BRINP3: variants seen among roughly 807,000 people sequenced by gnomAD.
BRINP3 encodes BMP/retinoic acid inducible neural specific 3, also known as BMP/retinoic acid-inducible neural-specific protein 3.
A neutral mutation model predicts 71.0 loss-of-function variants in BRINP3; 19 were observed. The ratio of observed to expected loss-of-function variants is 0.27; its 90% CI spans 0.19 to 0.39. BRINP3 has a LOEUF of 0.39. Among genes scored for constraint, BRINP3 ranks in the 10% least tolerant of loss-of-function variants. The probability of loss-of-function intolerance (pLI) is 1.00; values close to 1 mark genes in which losing one functional copy is unlikely to be tolerated. For missense variants in BRINP3, 959 were observed against 940.8 expected, an observed-to-expected ratio of 1.02 and a Z score of -0.25; for synonymous variants, 380 against 337.7, an observed-to-expected ratio of 1.13 and a Z score of -1.37.
intron 4 of BRINP3, among the ~76,000 whole-genome samples, chr1:190,246,130 A>G (rs1268905497): frequency 1.3e-5 from 2 of 152,028 alleles, no homozygotes; most frequent in Non-Finnish European, 2.9e-5. Context: ...TGGGATTTTT[A>G]AAGTATGTAT....
At chr1:190,308,514 G>A (rs999326145) in intron 2 of BRINP3, among the ~76,000 whole-genome samples, 3 of 151,460 alleles carry the variant, frequency 2.0e-5, no homozygotes, top group Admixed American at 6.6e-5. Context: ...AGGGGGGAGG[G>A]ATAGCATTAG....
intron 7 of BRINP3, among the ~76,000 whole-genome samples, chr1:190,133,416 G>C (rs1654706733): frequency 6.6e-6 from 1 of 151,934 alleles, no homozygotes; most frequent in South Asian, 2.1e-4. Flanking sequence ...TATTACAGAA[G>C]AATCCCCACA....
chr1:190,440,239 C>A (rs1324676734), intron 2 of BRINP3, among the ~76,000 whole-genome samples: 1 of 151,556 alleles, frequency 6.6e-6, no homozygotes, highest in Non-Finnish European at 1.5e-5. Flanking sequence ...TTATTTAAAT[C>A]GTTTCTCTTT....
chr1:190,380,275 C>T (rs1156441045), intron 2 of BRINP3, among the ~76,000 whole-genome samples: 3 of 151,848 alleles, frequency 2.0e-5, no homozygotes, highest in Non-Finnish European at 4.4e-5. Flanking sequence ...AGTGGGGATA[C>T]CAGGAATGAT....
intron 2 of BRINP3, among the ~76,000 whole-genome samples, chr1:190,368,098 A>G (rs1268624725): frequency 6.6e-6 from 1 of 152,118 alleles, no homozygotes; most frequent in Non-Finnish European, 1.5e-5. Context: ...CCATTCTTAC[A>G]CTGCTAATAA....
At chr1:190,343,322 G>C (rs1463943337) in intron 2 of BRINP3, among the ~76,000 whole-genome samples, 1 of 151,808 alleles carries the variant, frequency 6.6e-6, no homozygotes, top group Non-Finnish European at 1.5e-5. Context: ...GTTTGAGAGA[G>C]AAGTTAAGAC....
At chr1:190,130,958 C>A (rs1215405201) in intron 7 of BRINP3, among the ~76,000 whole-genome samples, 1 of 151,848 alleles carries the variant, frequency 6.6e-6, no homozygotes, top group Admixed American at 6.6e-5. Context: ...GTTCTCACAC[C>A]AGTATAATCC....
chr1:190,249,823 A>G (rs906277557), intron 4 of BRINP3, among the ~76,000 whole-genome samples: 1 of 151,924 alleles, frequency 6.6e-6, no homozygotes. Flanking sequence ...GATATATATT[A>G]TATAGTCAAC....
At chr1:190,117,068 T>C (rs1433335448) in intron 7 of BRINP3, among the ~76,000 whole-genome samples, 2 of 152,064 alleles carry the variant, frequency 1.3e-5, no homozygotes, top group African/African-American at 4.8e-5. Flanking sequence ...CTCAGCATAA[T>C]GCCTTTGCAG....
chr1:190,394,488 A>G (rs1671446659), intron 2 of BRINP3, among the ~76,000 whole-genome samples: 1 of 151,496 alleles, frequency 6.6e-6, no homozygotes, highest in Admixed American at 6.6e-5. Flanking sequence ...CTAAATTTGT[A>G]TTATTTCAAA....
chr1:190,442,538 C>A (rs1674895626), intron 2 of BRINP3, among the ~76,000 whole-genome samples: 1 of 152,094 alleles, frequency 6.6e-6, no homozygotes, highest in East Asian at 1.9e-4. Flanking sequence ...TAGATTCCAC[C>A]TATGTGTAAA....
chr1:190,203,904 A>G (rs922061017), intron 6 of BRINP3, among the ~76,000 whole-genome samples: 8 of 149,238 alleles, frequency 5.4e-5, no homozygotes, highest in Non-Finnish European at 1.2e-4. Flanking sequence ...AATGATAAAC[A>G]TCTATCACAA....
chr1:190,314,255 C>G (rs1381952395), intron 2 of BRINP3, among the ~76,000 whole-genome samples: 1 of 151,846 alleles, frequency 6.6e-6, no homozygotes, highest in Non-Finnish European at 1.5e-5. Context: ...AATAACGTAG[C>G]CTGGGGAGTA....
intron 2 of BRINP3, among the ~76,000 whole-genome samples, chr1:190,353,976 A>C (rs560501703): frequency 2.0e-5 from 3 of 152,032 alleles, no homozygotes; most frequent in African/African-American, 7.2e-5. Context: ...GGAATCCCTC[A>C]ATGACACCTT....
chr1:190,434,764 T>G (rs1293154459), intron 2 of BRINP3, among the ~76,000 whole-genome samples: 1 of 152,166 alleles, frequency 6.6e-6, no homozygotes, highest in East Asian at 1.9e-4. Flanking sequence ...GGTAAAAACT[T>G]GGAAAATTAA....
At chr1:190,268,390 C>T (rs552542023) in intron 3 of BRINP3, among the ~76,000 whole-genome samples, 1 of 152,180 alleles carries the variant, frequency 6.6e-6, no homozygotes, top group South Asian at 2.1e-4. Context: ...TGAGCCACTC[C>T]ACCTTGTAAA....
At chr1:190,439,465 A>C (rs2102549056) in intron 2 of BRINP3, among the ~76,000 whole-genome samples, 1 of 151,986 alleles carries the variant, frequency 6.6e-6, no homozygotes, top group Non-Finnish European at 1.5e-5. Context: ...ACCAGATCAA[A>C]ATTTTACTCC....
At chr1:190,195,278 A>G (rs947818841) in intron 6 of BRINP3, among the ~76,000 whole-genome samples, 2 of 151,912 alleles carry the variant, frequency 1.3e-5, no homozygotes, top group African/African-American at 4.8e-5. Context: ...AATAAGACCA[A>G]TTTTTATAAT....
chr1:190,254,101 C>G (rs1026990141), intron 4 of BRINP3, among the ~76,000 whole-genome samples: 4 of 151,878 alleles, frequency 2.6e-5, no homozygotes, highest in Non-Finnish European at 5.9e-5. Flanking sequence ...ATTTCTGAGG[C>G]CTCTGTTCTG....
Sources: gnomAD v4.1 joint callset for allele counts (sites outside exome capture counted in the v4.1 genomes callset) on GRCh38, gnomAD v4.1.1 for gene constraint, MANE v1.5 for transcripts, NCBI Gene and HGNC (gene_info 2026-07-23, HGNC 2026-07-21) for gene names.